Variants in CACNG7 observed in about 807,000 individuals in gnomAD.
CACNG7 encodes the protein calcium voltage-gated channel auxiliary subunit gamma 7, also known as voltage-dependent calcium channel gamma-7 subunit.
Under a neutral mutation model 26.3 loss-of-function variants are expected in CACNG7, and 9 were observed. The ratio of observed to expected loss-of-function variants is 0.34; its 90% CI spans 0.21 to 0.60. The LOEUF (loss-of-function observed/expected upper bound fraction) is 0.60, where lower values mean the gene tolerates loss of function less well. Ranked by LOEUF, CACNG7 falls within the 20% of genes least tolerant of loss-of-function variation. The pLI is 0.81. For missense variants in CACNG7, 297 were observed against 380.4 expected, an observed-to-expected ratio of 0.78 and a Z score of 1.82; for synonymous variants, 170 against 157.0, an observed-to-expected ratio of 1.08 and a Z score of -0.62.
chr19:53,921,768 TCCCAGGTCTGGTCATTGGTGGAGTTGTC>T (rs2068957091), intron 4 of CACNG7, among the ~76,000 whole-genome samples: 5 of 58,408 alleles, frequency 8.6e-5, no homozygotes, highest in South Asian at 1.2e-3. Flanking sequence ...GGTGGAGTTG[TCCCAGGTCTGGTCATTGGTGGAGTTGTC>T]CCCAGGTCTG....
At chr19:53,936,006 T>A (rs2069103065) in intron 4 of CACNG7, among the ~76,000 whole-genome samples, 1 of 152,130 alleles carries the variant, frequency 6.6e-6, no homozygotes, top group South Asian at 2.1e-4. Context: ...CGCTTTGCAT[T>A]TCCCTATTGT....
At position 53,924,070 on chromosome 19, in the gene CACNG7, GT is replaced by G. The variant is rs1271604850; in HGVS notation, c.424+8566del. ...TGGTCATTGGTGGAGTTGTCCCCAG[GT>G]CTGGTCATTGGTGGAGTTGTCCCCA... On this transcript the variant is annotated intron_variant, in intron 4 of 5. Coordinates refer to ENST00000391767, the MANE Select transcript of CACNG7 (RefSeq NM_031896.5). Among the ~76,000 whole-genome samples the G allele has an allele frequency of 1.4e-3, 192 of 139,838 alleles. 13 individuals carry two copies. Among genetic ancestry groups the G allele is most frequent in the African/African-American group, 5.5e-3 (187 of 34,258 alleles). The allele number at this position is 139,838 out of a possible 152,430, so 91.7% of individuals were successfully genotyped here.
chr19:53,942,351 C>T lies in CACNG7; in HGVS notation c.*58C>T. 6.4e-7 allele frequency: 1 copy of T among 1,554,406 alleles called. No individual in the cohort carries two copies. The highest frequency in any genetic ancestry group is 8.7e-7 in the Non-Finnish European group (1 of 1,150,706). On this transcript the variant is annotated 3_prime_UTR_variant, in exon 6 of 6. Coordinates refer to ENST00000391767, the MANE Select transcript of CACNG7 (RefSeq NM_031896.5). This position sits in a 1 kb window ranked among gnomAD's most constrained non-coding sequence, Gnocchi z 5.9. ...CTCCTCCTCGTCTTAGGGGGGTCTC[C>T]CTGCAATGCAGCGCCCCCTTCCGTC...
At chr19:53,919,231 T>C (rs2068918799) in intron 4 of CACNG7, among the ~76,000 whole-genome samples, 2 of 152,196 alleles carry the variant, frequency 1.3e-5, no homozygotes, top group South Asian at 4.1e-4. Context: ...ACCAATGCCT[T>C]GGGACTTGGA....
Position 53,923,069 on chromosome 19 carries a change from C to T in CACNG7, c.424+7564C>T, listed in dbSNP as rs1480998773. Among the ~76,000 whole-genome samples the T allele has an allele frequency of 2.4e-5, 3 of 126,570 alleles. 1 individual carries two copies. Among genetic ancestry groups the T allele is most frequent in the Non-Finnish European group, 3.2e-5 (2 of 61,798 alleles). 83.0% of individuals were successfully genotyped at this position (126,570 alleles called of 152,430 possible). On this transcript the variant is annotated intron_variant, in intron 4 of 5. Transcript: ENST00000391767. ...GCCTGGTCATTGGTGCAGTTGTCCC[C>T]AGGCCTGGTCATTGGTGGAGTTGTC...
Position 53,942,760 on chromosome 19 carries a change from C to T in CACNG7, c.*467C>T, listed in dbSNP as rs1374189273. 5.4e-6 allele frequency: 1 copy of T among 186,404 alleles called. No homozygotes were observed. The highest frequency in any genetic ancestry group is 2.4e-5 in the African/African-American group (1 of 42,208). 11.5% of individuals were successfully genotyped at this position (186,404 alleles called of 1,614,324 possible). On this transcript the variant is annotated 3_prime_UTR_variant, in exon 6 of 6. Coordinates refer to ENST00000391767, the MANE Select transcript of CACNG7 (RefSeq NM_031896.5). This position sits in a 1 kb window ranked among gnomAD's most constrained non-coding sequence, Gnocchi z 5.9. ...ATCCTCTTCTCCCTTCTAACCTGGG[C>T]TTCCTTTTTCCCTGCCTAATCTCAC...
At chr19:53,936,640 ACT>A (rs2069106876) in intron 4 of CACNG7, among the ~76,000 whole-genome samples, 1 of 151,896 alleles carries the variant, frequency 6.6e-6, no homozygotes, top group African/African-American at 2.4e-5. Flanking sequence ...ACGGAGTCTC[ACT>A]CTGTCGCCCA....
chr19:53,935,726 T>C (rs1241637511), intron 4 of CACNG7, among the ~76,000 whole-genome samples: 1 of 129,126 alleles, frequency 7.7e-6, no homozygotes, highest in African/African-American at 2.9e-5. Flanking sequence ...TGCAACCTTC[T>C]GCCTCCTGGG....
intron 4 of CACNG7, among the ~76,000 whole-genome samples, chr19:53,918,928 C>T (rs1278410747): frequency 6.6e-6 from 1 of 151,942 alleles, no homozygotes; most frequent in Non-Finnish European, 1.5e-5. Flanking sequence ...GCCAGTGCAC[C>T]CGGCTAATTT....
intron 4 of CACNG7, among the ~76,000 whole-genome samples, chr19:53,936,417 A>G (rs1355388382): frequency 6.6e-6 from 1 of 152,168 alleles, no homozygotes; most frequent in Non-Finnish European, 1.5e-5. Flanking sequence ...TCATCCAGCA[A>G]TCGAGCATCC....
intron 4 of CACNG7, among the ~76,000 whole-genome samples, chr19:53,934,169 T>A (rs1156271895): frequency 6.6e-6 from 1 of 152,226 alleles, no homozygotes; most frequent in Non-Finnish European, 1.5e-5. Flanking sequence ...AGTGCTGGGA[T>A]GACAGGCGTG....
At chr19:53,941,722 G>A (rs1171712402) in intron 5 of CACNG7, 107 bp downstream of exon 5, 5 of 1,361,722 alleles carry the variant, frequency 3.7e-6, no homozygotes, top group Middle Eastern at 2.0e-4. Flanking sequence ...AGACTCTGGC[G>A]TCAGAGGGAG....
intron 4 of CACNG7, 66 bp from the exon 5 acceptor site, chr19:53,941,404 G>A (rs1007640794): frequency 1.6e-4 from 235 of 1,463,224 alleles, no homozygotes; most frequent in Non-Finnish European, 1.6e-4. Context: ...AGGCAGTGAG[G>A]TGGGGCTGGG....
intron 4 of CACNG7, among the ~76,000 whole-genome samples, chr19:53,916,716 T>C (rs2068901242): frequency 6.6e-6 from 1 of 151,278 alleles, no homozygotes; most frequent in African/African-American, 2.4e-5. Flanking sequence ...GTCAGGCTGG[T>C]TTCAAACTCC....
At chr19:53,932,053 G>T (rs1458200934) in intron 4 of CACNG7, among the ~76,000 whole-genome samples, 2 of 151,534 alleles carry the variant, frequency 1.3e-5, no homozygotes, top group Admixed American at 1.3e-4. Flanking sequence ...GAGCCACTGT[G>T]CCCGGCCAGC....
At chr19:53,923,912 C>CATTGGTGGAGTTGTCCCCAGGTCTGGT (rs1599982908) in intron 4 of CACNG7, among the ~76,000 whole-genome samples, 1 of 126,238 alleles carries the variant, frequency 7.9e-6, no homozygotes, top group African/African-American at 3.2e-5. Context: ...CAGGTCTGGT[C>CATTGGTGGAGTTGTCCCCAGGTCTGGT]ATTGGTGGAG....
intron 2 of CACNG7, 89 bp downstream of exon 2, chr19:53,913,116 G>C: frequency 8.4e-7 from 1 of 1,186,926 alleles, no homozygotes; most frequent in Non-Finnish European, 1.2e-6. Flanking sequence ...TTGAGTTCCA[G>C]AAATCCAGAA....
intron 4 of CACNG7, among the ~76,000 whole-genome samples, chr19:53,925,157 C>T (rs1428051866): frequency 1.0e-5 from 1 of 96,870 alleles, no homozygotes. Context: ...GGTGGACTTG[C>T]CCCAGGTCTG....
intron 4 of CACNG7, among the ~76,000 whole-genome samples, chr19:53,923,348 TTGG>T (rs2068982303): frequency 7.5e-6 from 1 of 134,200 alleles, no homozygotes; most frequent in Non-Finnish European, 1.6e-5. Context: ...GGCCTGGTCA[TTGG>T]TGGAGTTGCC....
Sources: allele counts gnomAD v4.1 joint callset (sites outside exome capture counted in the v4.1 genomes callset), GRCh38; gene constraint gnomAD v4.1.1; non-coding constraint Gnocchi (gnomAD v3.1); transcripts MANE v1.5; gene names NCBI Gene and HGNC (gene_info 2026-07-23, HGNC 2026-07-21).